ZNF486: variants seen among roughly 807,000 people sequenced by gnomAD.
The protein encoded by ZNF486 is KRAB box only protein 2.
Under a neutral mutation model 12.8 loss-of-function variants are expected in ZNF486, and 12 were observed. The observed-to-expected ratio is 0.94, with a 90% confidence interval of 0.60 to 1.52. ZNF486 has a LOEUF of 1.52. Ranked by LOEUF, ZNF486 falls within the 40% of genes most tolerant of loss-of-function variation. ZNF486 has a pLI of 0.00. For synonymous variants in ZNF486, 231 were observed against 184.9 expected, an observed-to-expected ratio of 1.25 and a Z score of -2.02; for missense variants, 738 against 545.0, an observed-to-expected ratio of 1.35 and a Z score of -3.53.
rs1313604918 is a variant in ZNF486, at chr19:20,196,129, C to G, written c.254-835C>G. Among the ~76,000 whole-genome samples the G allele has an allele frequency of 2.0e-5, 3 of 152,134 alleles. No homozygotes were observed. The South Asian group carries it at 6.2e-4, about 31-fold the overall frequency. ...TGCCTCCACAGTTGAAGCAATTCTC[C>G]TGCCTCAGCATCCCAAATAGGATTA... On this transcript the variant is annotated intron_variant, in intron 3 of 3. Coordinates refer to ENST00000335117, the MANE Select transcript of ZNF486 (RefSeq NM_052852.4).
intron 3 of ZNF486, among the ~76,000 whole-genome samples, chr19:20,191,100 C>G (rs1299809546): frequency 6.6e-6 from 1 of 152,156 alleles, no homozygotes; most frequent in African/African-American, 2.4e-5. Flanking sequence ...TTCCTGAGGC[C>G]CTCACCAGAA....
At chr19:20,195,327 C>G (rs1381491800) in intron 3 of ZNF486, among the ~76,000 whole-genome samples, 1 of 152,134 alleles carries the variant, frequency 6.6e-6, no homozygotes, top group Admixed American at 6.6e-5. Flanking sequence ...TGTCACCATG[C>G]CCAGCTAATT....
intron 1 of ZNF486, among the ~76,000 whole-genome samples, chr19:20,181,407 T>C (rs535184724): frequency 3.4e-3 from 513 of 152,032 alleles, no homozygotes; most frequent in Middle Eastern, 0.01. Context: ...GGTGTGGTGG[T>C]GGGCGCCTGT....
At chr19:20,181,791 A>C (rs2122651322) in intron 1 of ZNF486, among the ~76,000 whole-genome samples, 1 of 152,338 alleles carries the variant, frequency 6.6e-6, no homozygotes, top group South Asian at 2.1e-4. Context: ...TGTTTTAAAA[A>C]AATTCATGAC....
At chr19:20,174,405 T>A (rs1019010654) in intron 1 of ZNF486, among the ~76,000 whole-genome samples, 17 of 152,024 alleles carry the variant, frequency 1.1e-4, no homozygotes, top group African/African-American at 3.9e-4. Flanking sequence ...TTCTTCTTTT[T>A]TTTTTTTGAG....
intron 1 of ZNF486, among the ~76,000 whole-genome samples, chr19:20,179,158 G>T (rs1555715210): frequency 6.6e-6 from 1 of 152,168 alleles, no homozygotes; most frequent in African/African-American, 2.4e-5. Flanking sequence ...TTTGAACGAT[G>T]TATTCATCTA....
intron 1 of ZNF486, chr19:20,176,035 G>T: frequency 5.8e-6 from 1 of 171,226 alleles, no homozygotes; most frequent in Non-Finnish European, 1.2e-5. Flanking sequence ...CGGACGGGGT[G>T]GCTGCCGGGC....
intron 1 of ZNF486, among the ~76,000 whole-genome samples, chr19:20,183,127 G>A (rs1407198693): frequency 6.6e-6 from 1 of 151,998 alleles, no homozygotes; most frequent in Non-Finnish European, 1.5e-5. Context: ...CATTCTCTAT[G>A]TCATAGCTTC....
intron 1 of ZNF486, among the ~76,000 whole-genome samples, chr19:20,171,668 C>G (rs1555713904): frequency 6.6e-6 from 1 of 152,212 alleles, no homozygotes; most frequent in African/African-American, 2.4e-5. Context: ...TAGTGAAAAT[C>G]ATTCCATTCA....
chr19:20,195,660 G>T (rs1224583294), intron 3 of ZNF486, among the ~76,000 whole-genome samples: 1 of 152,182 alleles, frequency 6.6e-6, no homozygotes, highest in Non-Finnish European at 1.5e-5. Flanking sequence ...GGCGTAGCAT[G>T]AAATCAATTG....
chr19:20,192,753 T>TC (rs1555717357), intron 3 of ZNF486, among the ~76,000 whole-genome samples: 1 of 152,204 alleles, frequency 6.6e-6, no homozygotes, highest in Non-Finnish European at 1.5e-5. Context: ...CATAGCCATC[T>TC]ATGTTTTTTG....
chr19:20,193,095 A>G (rs1192048702), intron 3 of ZNF486, among the ~76,000 whole-genome samples: 1 of 151,960 alleles, frequency 6.6e-6, no homozygotes, highest in Non-Finnish European at 1.5e-5. Flanking sequence ...AATCATCTTG[A>G]AAACTGGAGA....
At chr19:20,187,632 G>T (rs2089863440) in intron 3 of ZNF486, among the ~76,000 whole-genome samples, 1 of 151,244 alleles carries the variant, frequency 6.6e-6, no homozygotes, top group Admixed American at 6.6e-5. Flanking sequence ...CTCCCGAGTA[G>T]CTGGGACTAC....
At chr19:20,196,927 A>C (rs782411070) in intron 3 of ZNF486, 37 bp from the exon 4 acceptor site, 5 of 1,514,380 alleles carry the variant, frequency 3.3e-6, no homozygotes, top group Non-Finnish European at 3.5e-6. Flanking sequence ...ATCTGAGTCT[A>C]GCAATTGAAG....
chr19:20,187,735 C>A (rs782438998), intron 3 of ZNF486, among the ~76,000 whole-genome samples: 4 of 152,024 alleles, frequency 2.6e-5, no homozygotes, highest in African/African-American at 4.8e-5. Context: ...GATCTCCTGA[C>A]CTCGTGATCC....
At chr19:20,169,262 G>A (rs8109805) in intron 1 of ZNF486, among the ~76,000 whole-genome samples, 10,879 of 151,662 alleles carry the variant, frequency 0.072, 587 homozygotes, top group African/African-American at 0.16. Context: ...TTGCAGGCAC[G>A]CGCCGTCACG....
intron 1 of ZNF486, among the ~76,000 whole-genome samples, chr19:20,184,059 A>G (rs562082896): frequency 2.6e-5 from 4 of 152,200 alleles, no homozygotes; most frequent in African/African-American, 9.7e-5. Context: ...CTGATTCTGT[A>G]TGATGTAAAT....
intron 2 of ZNF486, 75 bp downstream of exon 2, chr19:20,184,557 G>A (rs143931313): frequency 0.014 from 20,091 of 1,479,188 alleles, 216 homozygotes; most frequent in East Asian, 0.031. Flanking sequence ...AATGATTTTA[G>A]TAATTTATCC....
At chr19:20,171,271 C>A (rs2122625035) in intron 1 of ZNF486, among the ~76,000 whole-genome samples, 1 of 152,330 alleles carries the variant, frequency 6.6e-6, no homozygotes, top group South Asian at 2.1e-4. Context: ...GATTCCAGGT[C>A]TTCTCCCAGG....
Sources: allele counts gnomAD v4.1 joint callset (sites outside exome capture counted in the v4.1 genomes callset), GRCh38; gene constraint gnomAD v4.1.1; transcripts MANE v1.5; gene names NCBI Gene and HGNC (gene_info 2026-07-23, HGNC 2026-07-21).